WNK1: variants seen among roughly 807,000 people sequenced by gnomAD.
WNK1 encodes the protein WNK lysine deficient protein kinase 1.
A neutral mutation model predicts 222.8 loss-of-function variants in WNK1; 38 were observed. The ratio of observed to expected loss-of-function variants is 0.17; its 90% CI spans 0.13 to 0.22. The LOEUF (loss-of-function observed/expected upper bound fraction) is 0.22, where lower values mean the gene tolerates loss of function less well. WNK1 is among the 10% of genes least tolerant of loss of function. WNK1 has a pLI of 1.00. For synonymous variants in WNK1, 1,090 were observed against 1,092.9 expected, an observed-to-expected ratio of 1.00 and a Z score of 0.05; for missense variants, 2,348 against 2,918.4, an observed-to-expected ratio of 0.80 and a Z score of 4.50.
In WNK1 at chr12:882,906, A is replaced by G. The variant is rs1380931871; in HGVS notation, c.3373-37A>G. 3 of 1,290,970 alleles carry G rather than the reference A, an allele frequency of 2.3e-6. No individual in the cohort carries two copies. The South Asian group carries it at 3.6e-5, about 15-fold the overall frequency. The allele number at this position is 1,290,970 out of a possible 1,614,324, so 80.0% of individuals were successfully genotyped here. A position where few individuals can be genotyped will look rare whatever the true frequency, so the allele number is the denominator to read the frequency against. On this transcript the variant is annotated intron_variant, in intron 14 of 27. Coordinates refer to ENST00000315939, the MANE Select transcript of WNK1 (RefSeq NM_018979.4). The stretch of plus-strand genomic sequence containing the variant: ...CTGAAATTCAGTAATAAAGCTGAAT[A>G]TGGTCTTTGGAGATGATGTACCTTT...
chr12:840,150 G>T (rs1446043416), intron 4 of WNK1, among the ~76,000 whole-genome samples: 1 of 151,888 alleles, frequency 6.6e-6, no homozygotes, highest in African/African-American at 2.4e-5. Context: ...TTTTTTGAGA[G>T]AAAGTCTCAC....
intron 1 of WNK1, among the ~76,000 whole-genome samples, chr12:771,186 A>G (rs1030323017): frequency 6.6e-6 from 1 of 151,572 alleles, no homozygotes; most frequent in Non-Finnish European, 1.5e-5. Context: ...TTTAGTAGAG[A>G]TGGGGTTTCA....
intron 4 of WNK1, among the ~76,000 whole-genome samples, chr12:834,637 A>G (rs1333401745): frequency 2.0e-5 from 3 of 152,200 alleles, no homozygotes; most frequent in African/African-American, 7.2e-5. Context: ...TGAGCAATTC[A>G]CTTAATTTCT....
At chr12:871,806 C>T (rs1001928479) in intron 9 of WNK1, among the ~76,000 whole-genome samples, 1 of 152,008 alleles carries the variant, frequency 6.6e-6, no homozygotes, top group African/African-American at 2.4e-5. Context: ...TTTCACCATG[C>T]TGGCCAGGCT....
In WNK1 at chr12:752,941, G is replaced by C. The variant is rs1939422591; in HGVS notation, c.-625G>C. 1.3e-5 allele frequency: 2 copies of C among 152,190 alleles called. No individual in the cohort carries two copies. The highest frequency in any genetic ancestry group is 4.1e-4 in the South Asian group (2 of 4,832). 9.4% of individuals were successfully genotyped at this position (152,190 alleles called of 1,614,324 possible). A position where few individuals can be genotyped will look rare whatever the true frequency, so the allele number is the denominator to read the frequency against. ...CGAGGCTCCGGCCCTTCGCCTCTGGGCGATGGGCGACCTGTGAGGCCGGTC... is the reference window on the plus strand; with the variant it reads ...CGAGGCTCCGGCCCTTCGCCTCTGGCCGATGGGCGACCTGTGAGGCCGGTC... On this transcript the variant is annotated 5_prime_UTR_variant, in exon 1 of 28. Transcript: ENST00000315939.
At chr12:879,513 C>CTTTTTTTTTTTTTTTTTTTTCTTTTTTTT in intron 10 of WNK1, 60 bp from the exon 11 acceptor site, 1 of 403,028 alleles carries the variant, frequency 2.5e-6, no homozygotes, top group South Asian at 3.0e-5. Context: ...GGCAGCCTTG[C>CTTTTTTTTTTTTTTTTTTTTCTTTTTTTT]TTTTTTTTTT....
chr12:778,318 T>G (rs1482573843), intron 1 of WNK1, among the ~76,000 whole-genome samples: 1 of 152,044 alleles, frequency 6.6e-6, no homozygotes, highest in Non-Finnish European at 1.5e-5. Context: ...ATTAATTTTT[T>G]TTTCGTCTTT....
Position 813,728 on chromosome 12 carries a change from A to G in WNK1, c.846A>G (p.Arg282=). 6.2e-7 allele frequency: 1 copy of G among 1,614,006 alleles called. No homozygotes were observed. Among genetic ancestry groups the G allele is most frequent in the Non-Finnish European group, 8.5e-7 (1 of 1,179,990 alleles). The change falls in exon 2 of 28, where the codon AGA becomes AGG. Residue 282 remains arginine (R), a synonymous_variant. Coordinates refer to ENST00000315939, the MANE Select transcript of WNK1 (RefSeq NM_018979.4). The part of the protein sequence containing the change: ...LKGLQHPNIV[R]FYDSWESTVK... ...GTCTTCAGCATCCCAATATTGTTAG[A>G]TTTTATGATTCCTGGGAATCCACAG...
At chr12:888,580 C>T (rs572871493) in intron 20 of WNK1, among the ~76,000 whole-genome samples, 2 of 152,314 alleles carry the variant, frequency 1.3e-5, no homozygotes, top group East Asian at 3.9e-4. Context: ...AAGCTGTGTG[C>T]TTGCGGTGGA....
intron 8 of WNK1, among the ~76,000 whole-genome samples, chr12:863,886 G>A (rs552856348): frequency 6.6e-6 from 1 of 152,170 alleles, no homozygotes; most frequent in South Asian, 2.1e-4. Context: ...ATCAAAACAG[G>A]AATGAAACTA....
rs767286874 is a variant in WNK1 at position 882,015 on chromosome 12, C to G, written c.3314C>G (p.Ser1105Cys). 1.1e-5 allele frequency: 18 copies of G among 1,614,012 alleles called. No homozygotes were observed. Among genetic ancestry groups the G allele is most frequent in the African/African-American group, 2.7e-5 (2 of 74,928 alleles). ...GRTTKRHYRK[S>C]VRSRSRHEKT... ...ACTACAAAACGGCATTACCGAAAAT[C>G]TGTAAGGAGTCGCTCTCGACATGAA... is the stretch of plus-strand genomic sequence containing the variant. Residue 1105 changes from serine (S) to cysteine (C), a missense_variant, in exon 14 of 28, where the codon TCT (serine) becomes TGT (cysteine). Transcript: ENST00000315939.
At chr12:871,795 G>A (rs1952175721) in intron 9 of WNK1, among the ~76,000 whole-genome samples, 2 of 152,104 alleles carry the variant, frequency 1.3e-5, no homozygotes, top group African/African-American at 4.8e-5. Context: ...TAGAGACGGG[G>A]TTTCACCATG....
At chr12:877,304 A>G (rs1952721424) in intron 9 of WNK1, among the ~76,000 whole-genome samples, 2 of 152,160 alleles carry the variant, frequency 1.3e-5, no homozygotes, top group African/African-American at 4.8e-5. Context: ...ACCGCAGGTG[A>G]TCTGCCCACC....
chr12:849,930 G>A (rs1330333061), intron 4 of WNK1, among the ~76,000 whole-genome samples: 1 of 152,258 alleles, frequency 6.6e-6, no homozygotes, highest in African/African-American at 2.4e-5. Flanking sequence ...GTATTCCATG[G>A]TGTATATGTG....
intron 9 of WNK1, chr12:877,996 A>T: frequency 1.7e-6 from 1 of 600,818 alleles, no homozygotes; most frequent in Non-Finnish European, 2.9e-6. Context: ...CTTGAGTATT[A>T]AAAGATTGGT....
Position 908,861 on chromosome 12 carries a change from G to GGGGGGGGGGGA in WNK1, c.*69_*70insGGGGGGGGGGA. 4.1e-6 allele frequency: 2 copies of GGGGGGGGGGGA among 491,842 alleles called. No individual in the cohort carries two copies. Among genetic ancestry groups the GGGGGGGGGGGA allele is most frequent in the Non-Finnish European group, 8.3e-6 (2 of 241,766 alleles). 30.5% of individuals were successfully genotyped at this position (491,842 alleles called of 1,614,324 possible). On this transcript the variant is annotated 3_prime_UTR_variant, in exon 28 of 28. Transcript: ENST00000315939. ...ATGCTGAGGGGGTGGGTGGGGGTGG[G>GGGGGGGGGGGA]AAGTAGCCTATATACTAACTACTAG... is the stretch of plus-strand genomic sequence containing the variant.
chr12:799,842 A>C (rs180871197), intron 1 of WNK1, among the ~76,000 whole-genome samples: 100 of 152,164 alleles, frequency 6.6e-4, no homozygotes, highest in African/African-American at 2.4e-3. Flanking sequence ...ATGCCACCAC[A>C]CGTGCCTACT....
chr12:865,737 C>T (rs1186968797), intron 8 of WNK1, among the ~76,000 whole-genome samples: 1 of 151,694 alleles, frequency 6.6e-6, no homozygotes, highest in East Asian at 1.9e-4. Flanking sequence ...TCAAACATTA[C>T]CCAAACATTT....
intron 22 of WNK1, among the ~76,000 whole-genome samples, chr12:894,173 G>T (rs557824704): frequency 3.9e-4 from 60 of 152,250 alleles, no homozygotes; most frequent in African/African-American, 1.4e-3. Context: ...AGCTGAGATC[G>T]CACCACTGCA....
Sources: allele counts gnomAD v4.1 joint callset (sites outside exome capture counted in the v4.1 genomes callset), GRCh38; gene constraint gnomAD v4.1.1; transcripts MANE v1.5; gene names NCBI Gene and HGNC (gene_info 2026-07-23, HGNC 2026-07-21).